Variants in TDRD12 observed in about 807,000 individuals in gnomAD.
TDRD12 encodes putative ATP-dependent RNA helicase TDRD12.
TDRD12 carries 158 observed loss-of-function variants against 133.5 expected under a neutral mutation model. That is an observed-to-expected ratio of 1.18 (90% confidence interval 1.04 to 1.35). The LOEUF is 1.35. TDRD12 is among the 40% of genes most tolerant of loss of function. The pLI, the probability that TDRD12 is intolerant of heterozygous loss-of-function variation, is 0.00. For missense variants in TDRD12, 1,443 were observed against 1,321.3 expected (o/e 1.09, Z -1.43); for synonymous variants, 460 against 477.9 (o/e 0.96, Z 0.49).
At chr19:32,790,507 ATTC>A (rs1444498062) in intron 11 of TDRD12, 21 bp from the exon 12 acceptor site, 3 of 1,546,728 alleles carry the variant, frequency 1.9e-6, no homozygotes, top group Admixed American at 2.0e-5. Context: ...TTTTCTTCAC[ATTC>A]TTCTTTTAAC....
At chr19:32,802,789 G>A in exon 20 of TDRD12, 1 of 1,536,690 alleles carries the variant, frequency 6.5e-7, no homozygotes. Flanking sequence ...ACGCTGAACA[G>A]GTTTGGTGAA....
At chr19:32,815,693 T>G (rs1375707532) in intron 26 of TDRD12, 73 bp downstream of exon 26, 2 of 1,407,186 alleles carry the variant, frequency 1.4e-6, no homozygotes, top group Non-Finnish European at 1.9e-6. Flanking sequence ...TAAGGACATG[T>G]TTTATGAAAG....
chr19:32,813,236 C>T (rs531547951), intron 24 of TDRD12, among the ~76,000 whole-genome samples: 8 of 152,276 alleles, frequency 5.3e-5, no homozygotes, highest in Non-Finnish European at 1.2e-4. Context: ...AAAGACCAGG[C>T]CCTCAGCTCC....
In TDRD12 at chr19:32,756,199, A is replaced by G. The variant is rs1969986666; in HGVS notation, c.772+18A>G. 6 of 1,399,044 alleles carry G rather than the reference A, an allele frequency of 4.3e-6. No homozygotes were observed. Among genetic ancestry groups the G allele is most frequent in the Non-Finnish European group, 4.6e-6 (5 of 1,078,354 alleles). The allele number at this position is 1,399,044 out of a possible 1,614,324, so 86.7% of individuals were successfully genotyped here. A position where few individuals can be genotyped will look rare whatever the true frequency, so the allele number is the denominator to read the frequency against. Reference sequence around the variant, plus strand: ...AATGGAAGGTGAGTAGATTCTCATCATATCAATTTCCCTTACATTGTTTTA... The same window carrying G: ...AATGGAAGGTGAGTAGATTCTCATCGTATCAATTTCCCTTACATTGTTTTA... On this transcript the variant is annotated intron_variant, in intron 7 of 27. Transcript: ENST00000444215.
At chr19:32,808,474 C>G (rs1599615122) in intron 22 of TDRD12, among the ~76,000 whole-genome samples, 1 of 152,208 alleles carries the variant, frequency 6.6e-6, no homozygotes, top group Non-Finnish European at 1.5e-5. Context: ...CTGTCACTCT[C>G]TCTCCACCTG....
chr19:32,765,317 G>A lies in TDRD12; in HGVS notation c.866-7436G>A, dbSNP rs1030876628. On this transcript the variant is annotated intron_variant, in intron 8 of 27. Coordinates refer to ENST00000444215, the Ensembl canonical transcript of TDRD12. ...GACTGTAAACTAGTTCAACCATTGT[G>A]GAAGTCAGTGTGGCGATTCCCCAGG... is the stretch of plus-strand genomic sequence containing the variant. 1.1e-4 allele frequency among the ~76,000 whole-genome samples: 16 copies of A among 152,284 alleles called. No individual in the cohort carries two copies. The East Asian group carries it at 2.9e-3, about 28-fold the overall frequency.
chr19:32,720,148 C>G, intron 1 of TDRD12, 52 bp downstream of exon 1: 1 of 1,523,952 alleles, frequency 6.6e-7, no homozygotes, highest in South Asian at 1.2e-5. Context: ...CCCCCACCCC[C>G]ACCCCAGCCG....
intron 27 of TDRD12, among the ~76,000 whole-genome samples, chr19:32,820,772 G>C (rs1171854504): frequency 6.6e-6 from 1 of 152,184 alleles, no homozygotes; most frequent in Non-Finnish European, 1.5e-5. Context: ...GGGCAGCAGT[G>C]AGTATGGAAG....
At chr19:32,778,529 T>C (rs1185157109) in intron 11 of TDRD12, among the ~76,000 whole-genome samples, 1 of 152,222 alleles carries the variant, frequency 6.6e-6, no homozygotes, top group East Asian at 1.9e-4. Flanking sequence ...AGACGGAATC[T>C]TGCTCTGTCA....
At chr19:32,825,829 A>C (rs1008127847), downstream of TDRD12, among the ~76,000 whole-genome samples, 12 of 152,194 alleles carry the variant, frequency 7.9e-5, no homozygotes, top group African/African-American at 2.2e-4. This position sits in a 1 kb window ranked among gnomAD's most constrained non-coding sequence, Gnocchi z 4.1. Context: ...GCAGTGAGTC[A>C]AGATCATACC....
At chr19:32,797,521 G>A (rs906403070) in intron 14 of TDRD12, among the ~76,000 whole-genome samples, 1 of 152,208 alleles carries the variant, frequency 6.6e-6, no homozygotes. Flanking sequence ...GAATGCATAC[G>A]TGTGAAGTGC....
intron 1 of TDRD12, among the ~76,000 whole-genome samples, chr19:32,730,767 G>A (rs1490294862): frequency 1.3e-5 from 2 of 152,150 alleles, no homozygotes; most frequent in African/African-American, 2.4e-5. Context: ...TGTAATCCCA[G>A]CACTTTGGGA....
intron 27 of TDRD12, among the ~76,000 whole-genome samples, chr19:32,819,692 T>C (rs1375577064): frequency 6.6e-6 from 1 of 152,052 alleles, no homozygotes; most frequent in Non-Finnish European, 1.5e-5. Context: ...AGAGACCCCA[T>C]ATCAGACAGC....
At chr19:32,817,356 G>A (rs561160603) in intron 26 of TDRD12, among the ~76,000 whole-genome samples, 30 of 152,036 alleles carry the variant, frequency 2.0e-4, no homozygotes, top group East Asian at 1.4e-3. Flanking sequence ...CACTTTAAGT[G>A]GAATCGTCCA....
chr19:32,809,108 G>GT (rs1314645772), intron 22 of TDRD12, among the ~76,000 whole-genome samples: 1 of 152,146 alleles, frequency 6.6e-6, no homozygotes, highest in Non-Finnish European at 1.5e-5. Context: ...TCCCATTTCT[G>GT]TTTTTTATGT....
intron 4 of TDRD12, among the ~76,000 whole-genome samples, chr19:32,744,396 A>G (rs527729930): frequency 1.3e-5 from 2 of 149,034 alleles, no homozygotes; most frequent in Non-Finnish European, 3.0e-5. Context: ...GCTACTCGGG[A>G]GACTGAGGCA....
chr19:32,764,702 T>C (rs1970245572), intron 8 of TDRD12, among the ~76,000 whole-genome samples: 1 of 152,226 alleles, frequency 6.6e-6, no homozygotes, highest in Admixed American at 6.5e-5. Flanking sequence ...GAAAGAGGTT[T>C]TGAAATAGCC....
intron 19 of TDRD12, among the ~76,000 whole-genome samples, chr19:32,802,226 CATATATATGATAGTG>C (rs1452368124): frequency 6.7e-5 from 8 of 119,122 alleles, no homozygotes; most frequent in East Asian, 3.6e-4. Context: ...TGATAGTGAT[CATATATATGATAGTG>C]ATATATATGA....
At chr19:32,721,679 C>CTAATTTATTT (rs1968672855) in intron 1 of TDRD12, among the ~76,000 whole-genome samples, 2 of 126,152 alleles carry the variant, frequency 1.6e-5, no homozygotes, top group Non-Finnish European at 3.2e-5. Flanking sequence ...CGTGCCTGGC[C>CTAATTTATTT]TATTTTATTT....
Sources: gnomAD v4.1 joint callset for allele counts (sites outside exome capture counted in the v4.1 genomes callset) on GRCh38, gnomAD v4.1.1 for gene constraint, Gnocchi (gnomAD v3.1) non-coding constraint, MANE v1.5 for transcripts, NCBI Gene and HGNC (gene_info 2026-07-23, HGNC 2026-07-21) for gene names.